ACOX2: variants seen among roughly 807,000 people sequenced by gnomAD.
The protein encoded by ACOX2 is peroxisomal acyl-coenzyme A oxidase 2.
A neutral mutation model predicts 77.5 loss-of-function variants in ACOX2; 59 were observed. That is an observed-to-expected ratio of 0.76 (90% CI 0.62 to 0.95). The LOEUF (loss-of-function observed/expected upper bound fraction) is 0.95. Among genes scored for constraint, ACOX2 ranks in the 40% least tolerant of loss-of-function variants. The pLI is 0.00. For synonymous variants in ACOX2, 317 were observed against 340.1 expected (o/e 0.93, Z 0.75); for missense variants, 837 against 880.4 (o/e 0.95, Z 0.62).
rs1560215843 is a variant in ACOX2 at position 58,523,550 on chromosome 3, T to C, written c.1526+876A>G. Among the ~76,000 whole-genome samples, 1 of 152,228 alleles carries C rather than the reference T, an allele frequency of 6.6e-6. No homozygotes were observed. The highest frequency in any genetic ancestry group is 2.4e-5 in the African/African-American group (1 of 41,466). On this transcript the variant is annotated intron_variant, in intron 11 of 14. Transcript: ENST00000302819. This position sits in a 1 kb window ranked among gnomAD's most constrained non-coding sequence, Gnocchi z 5.3. ...ACAGGTTGGGATATAAGACCTCTTA[T>C]TATATACTGAAAATATGTTTTTCCA...
In ACOX2 at chr3:58,509,117, G is replaced by T. The variant is rs1359659490; in HGVS notation, c.1851-92C>A. 7 of 1,421,034 alleles carry T rather than the reference G, an allele frequency of 4.9e-6. No homozygotes were observed. In the African/African-American group the frequency reaches 7.2e-5, roughly 15 times the overall value. The allele number at this position is 1,421,034 out of a possible 1,614,324, so 88.0% of individuals were successfully genotyped here. A position where few individuals can be genotyped will look rare whatever the true frequency, so the allele number is the denominator to read the frequency against. On this transcript the variant is annotated intron_variant, in intron 13 of 14. Transcript: ENST00000302819. Reference sequence around the variant, plus strand: ...GGTGAATAACAATACCTAATTAGAGGTTGCATGATTATTCGCTTTTCAAAC... The same window carrying T: ...GGTGAATAACAATACCTAATTAGAGTTTGCATGATTATTCGCTTTTCAAAC...
chr3:58,533,507 G>T lies in ACOX2; in HGVS notation c.521C>A (p.Ala174Asp). The part of the protein sequence containing the change: ...GLETEATYDA[A>D]TQEFVIHSPT... ...GCTGTGTATCACAAACTCCTGGGTG[G>T]CTGCGTCATAGGTGGCTTCAGTCTC... Residue 174 changes from alanine (A) to aspartate (D), a missense_variant, in exon 5 of 15, where the codon GCC (alanine) becomes GAC (aspartate). Coordinates refer to ENST00000302819, the MANE Select transcript of ACOX2 (RefSeq NM_003500.4). This position sits in a 1 kb window ranked among gnomAD's most constrained non-coding sequence, Gnocchi z 5.6. 3 of 1,614,076 alleles carry T rather than the reference G, an allele frequency of 1.9e-6. No individual in the cohort carries two copies. The highest frequency in any genetic ancestry group is 2.5e-6 in the Non-Finnish European group (3 of 1,180,016).
At chr3:58,509,766 TG>T (rs1322822059) in intron 13 of ACOX2, among the ~76,000 whole-genome samples, 1 of 151,352 alleles carries the variant, frequency 6.6e-6, no homozygotes, top group Admixed American at 6.6e-5. Flanking sequence ...CCACCATGCC[TG>T]GCTGATTTTT....
Position 58,533,800 on chromosome 3 carries a change from G to A in ACOX2, c.475+194C>T, listed in dbSNP as rs1560221664. 23 of 745,812 alleles carry A rather than the reference G, an allele frequency of 3.1e-5. No homozygotes were observed. The highest frequency in any genetic ancestry group is 2.7e-5 in the East Asian group (1 of 37,082). The allele number at this position is 745,812 out of a possible 1,614,324, so 46.2% of individuals were successfully genotyped here. ...CAGAAGGAATGACTTGCCCCACTGG[G>A]AGCTCATACAATACGTGCAAATTAG... On this transcript the variant is annotated intron_variant, in intron 4 of 14. Coordinates refer to ENST00000302819, the MANE Select transcript of ACOX2 (RefSeq NM_003500.4). This position sits in a 1 kb window ranked among gnomAD's most constrained non-coding sequence, Gnocchi z 5.6.
Position 58,505,853 on chromosome 3 carries a change from C to T in ACOX2, c.1984-567G>A, listed in dbSNP as rs1279248456. ...TTGCCCAGGCTGGAGTGCAGTGGTG[C>T]GATTTTGGCTCACTGCAACTTCCGC... is the stretch of plus-strand genomic sequence containing the variant. On this transcript the variant is annotated intron_variant, in intron 14 of 14. Coordinates refer to ENST00000302819, the MANE Select transcript of ACOX2 (RefSeq NM_003500.4). This position sits in a 1 kb window ranked among gnomAD's most constrained non-coding sequence, Gnocchi z 4.4. Among the ~76,000 whole-genome samples the T allele has an allele frequency of 5.3e-5, 8 of 151,842 alleles. No homozygotes were observed. The highest frequency in any genetic ancestry group is 1.9e-4 in the East Asian group (1 of 5,150).
At position 58,508,773 on chromosome 3, in the gene ACOX2, G is replaced by A. The variant is rs376501301; in HGVS notation, c.1983+120C>T. On this transcript the variant is annotated intron_variant, in intron 14 of 14. Coordinates refer to ENST00000302819, the MANE Select transcript of ACOX2 (RefSeq NM_003500.4). ...TTCTCTAAGAATATTTTAAACAGAC[G>A]TGCTACGCCAAGTGATTGCCAACCT... 2.8e-5 allele frequency: 36 copies of A among 1,305,262 alleles called. No homozygotes were observed. In the Admixed American group the frequency reaches 5.4e-4, roughly 19 times the overall value. 80.9% of individuals were successfully genotyped at this position (1,305,262 alleles called of 1,614,324 possible).
rs577086791 is a variant in ACOX2, at chr3:58,514,008, G to A, written c.1850+3198C>T. ...CCAGTGGGAAAAAAGGTCTGGGGGA[G>A]GGAGGTGTCAGTATTTGGCCTATAA... On this transcript the variant is annotated intron_variant, in intron 13 of 14. Transcript: ENST00000302819. This position sits in a 1 kb window ranked among gnomAD's most constrained non-coding sequence, Gnocchi z 4.3. Among the ~76,000 whole-genome samples, 16 of 152,262 alleles carry A rather than the reference G, an allele frequency of 1.1e-4. No homozygotes were observed. Among genetic ancestry groups the A allele is most frequent in the African/African-American group, 3.8e-4 (16 of 41,562 alleles).
intron 13 of ACOX2, among the ~76,000 whole-genome samples, chr3:58,516,362 C>T (rs1169362136): frequency 6.6e-6 from 1 of 152,166 alleles, no homozygotes; most frequent in Non-Finnish European, 1.5e-5. Context: ...AGGGGCCAGA[C>T]CTGAGATTGT....
rs574281589 is a variant in ACOX2 at position 58,526,205 on chromosome 3, C to T, written c.1346+261G>A. Among the ~76,000 whole-genome samples the T allele has an allele frequency of 2.0e-5, 3 of 152,296 alleles. No homozygotes were observed. In the South Asian group the frequency reaches 6.2e-4, roughly 32 times the overall value. ...GATGTGATCCTCCCTAGGCTCTGAA[C>T]AGATCCCTCCGGCTGCCTGTGGAGA... On this transcript the variant is annotated intron_variant, in intron 10 of 14. Coordinates refer to ENST00000302819, the MANE Select transcript of ACOX2 (RefSeq NM_003500.4). The surrounding 1 kb of genome is among the most constrained non-coding windows in gnomAD (Gnocchi z 4.3).
chr3:58,531,181 G>A lies in ACOX2; in HGVS notation c.819+70C>T, dbSNP rs1168606546. The stretch of plus-strand genomic sequence containing the variant: ...AAACTAAGCTCTATGGAGGACCCAG[G>A]CCCAGCCTGCACAAAGCGCAGGTCC... On this transcript the variant is annotated intron_variant, in intron 7 of 14. Coordinates refer to ENST00000302819, the MANE Select transcript of ACOX2 (RefSeq NM_003500.4). This position sits in a 1 kb window ranked among gnomAD's most constrained non-coding sequence, Gnocchi z 5.8. 2 of 1,434,436 alleles carry A rather than the reference G, an allele frequency of 1.4e-6. No homozygotes were observed. Among genetic ancestry groups the A allele is most frequent in the African/African-American group, 1.4e-5 (1 of 71,122 alleles). 88.9% of individuals were successfully genotyped at this position (1,434,436 alleles called of 1,614,324 possible).
intron 13 of ACOX2, among the ~76,000 whole-genome samples, chr3:58,516,348 G>A (rs76039946): frequency 0.06 from 9,135 of 152,216 alleles, 346 homozygotes; most frequent in Non-Finnish European, 0.083. Flanking sequence ...AAGAGCTCAT[G>A]CCCAGGGGCC....
rs2108014196 is a variant in ACOX2 at position 58,535,370 on chromosome 3, C to T, written c.-91-173G>A. On this transcript the variant is annotated intron_variant, in intron 1 of 14. Transcript: ENST00000302819. This position sits in a 1 kb window ranked among gnomAD's most constrained non-coding sequence, Gnocchi z 4.8. ...CATGGTATGCAGCCATTGCTTGGTA[C>T]ATGTTTGTTCAATACTTGTTAGCCA... The T allele has an allele frequency of 2.0e-6, 1 of 512,296 alleles. No homozygotes were observed. Among genetic ancestry groups the T allele is most frequent in the South Asian group, 2.8e-5 (1 of 35,890 alleles). 31.7% of individuals were successfully genotyped at this position (512,296 alleles called of 1,614,324 possible).
At position 58,514,393 on chromosome 3, in the gene ACOX2, C is replaced by A. The variant is rs575262937; in HGVS notation, c.1850+2813G>T. Among the ~76,000 whole-genome samples the A allele has an allele frequency of 2.0e-5, 3 of 152,248 alleles. No homozygotes were observed. The highest frequency in any genetic ancestry group is 7.2e-5 in the African/African-American group (3 of 41,532). ...TAATCTGTCATCTTTACCTGGAAGT[C>A]CCCCCAGCTGAGGTTTTATGACCGC... On this transcript the variant is annotated intron_variant, in intron 13 of 14. Transcript: ENST00000302819. This position sits in a 1 kb window ranked among gnomAD's most constrained non-coding sequence, Gnocchi z 4.3.
intron 8 of ACOX2, chr3:58,529,162 G>A (rs577437868): frequency 4.1e-6 from 2 of 482,524 alleles, no homozygotes; most frequent in East Asian, 6.9e-5. Context: ...TGACACATTT[G>A]TTGGTGGGTA....
At chr3:58,511,308 A>G (rs2063285917) in intron 13 of ACOX2, 1 of 352,808 alleles carries the variant, frequency 2.8e-6, no homozygotes, top group Non-Finnish European at 5.6e-6. Context: ...GTTGCTGTCA[A>G]AATGGGCAAG....
rs1179966455 is a variant in ACOX2 at position 58,535,426 on chromosome 3, G to GGC, written c.-91-231_-91-230dup. ...GGACAGGGCCTGACCCCAAAGATTG[G>GGC]GCTCTATCCACTGCAGTTTGAGTTA... On this transcript the variant is annotated intron_variant, in intron 1 of 14. Coordinates refer to ENST00000302819, the MANE Select transcript of ACOX2 (RefSeq NM_003500.4). The surrounding 1 kb of genome is among the most constrained non-coding windows in gnomAD (Gnocchi z 4.8). Among the ~76,000 whole-genome samples the GGC allele has an allele frequency of 3.2e-4, 49 of 152,090 alleles. No homozygotes were observed. Among genetic ancestry groups the GGC allele is most frequent in the Admixed American group, 3.2e-3 (49 of 15,262 alleles).
intron 5 of ACOX2, among the ~76,000 whole-genome samples, chr3:58,532,833 G>C (rs1280373304): frequency 2.6e-5 from 4 of 152,184 alleles, no homozygotes; most frequent in African/African-American, 9.7e-5. Flanking sequence ...TGCCACAGAT[G>C]TGTCCTTGGA....
Position 58,505,273 on chromosome 3 carries a change from T to G in ACOX2, c.1997A>C (p.Tyr666Ser). Reference protein sequence around the residue: ...SPTNTQENPAYEEYIRPLLQS... With the variant: ...SPTNTQENPASEEYIRPLLQS... Reference sequence around the variant, plus strand: ...TAAAAGTGGTCTTATATATTCCTCATAGGCAGGGTTCTCCTGTTTGTAGAA... The same window carrying G: ...TAAAAGTGGTCTTATATATTCCTCAGAGGCAGGGTTCTCCTGTTTGTAGAA... Residue 666 changes from tyrosine to serine, a missense_variant, in exon 15 of 15, where the codon TAT becomes TCT. Physicochemically the swap from Tyr to Ser is moderately radical, Grantham distance 144. Transcript: ENST00000302819. The surrounding 1 kb of genome is among the most constrained non-coding windows in gnomAD (Gnocchi z 4.4). 1 of 1,612,806 alleles carries G rather than the reference T, an allele frequency of 6.2e-7. No individual in the cohort carries two copies. Among genetic ancestry groups the G allele is most frequent in the Non-Finnish European group, 8.5e-7 (1 of 1,179,450 alleles).
intron 14 of ACOX2, among the ~76,000 whole-genome samples, chr3:58,506,464 G>C (rs1282594070): frequency 1.3e-5 from 2 of 152,124 alleles, no homozygotes; most frequent in African/African-American, 4.8e-5. Context: ...GTACTTTTAT[G>C]TCTACAGGGT....
Sources: allele counts gnomAD v4.1 joint callset (sites outside exome capture counted in the v4.1 genomes callset), GRCh38; gene constraint gnomAD v4.1.1; non-coding constraint Gnocchi (gnomAD v3.1); transcripts MANE v1.5; gene names NCBI Gene and HGNC (gene_info 2026-07-23, HGNC 2026-07-21).